The following MID1 variants were observed in gnomAD, a reference collection of about 807,000 sequenced individuals.
MID1 encodes the protein E3 ubiquitin-protein ligase Midline-1.
A neutral mutation model predicts 40.4 loss-of-function variants in MID1; 7 were observed. The ratio of observed to expected loss-of-function variants is 0.17; its 90% CI spans 0.10 to 0.33. The LOEUF is 0.33. Ranked by LOEUF, MID1 falls within the 10% of genes least tolerant of loss-of-function variation. The pLI is 1.00. For synonymous variants in MID1, 229 were observed against 221.2 expected, an observed-to-expected ratio of 1.04 and a Z score of -0.31; for missense variants, 367 against 558.5, an observed-to-expected ratio of 0.66 and a Z score of 3.46.
chrX:10,766,985 C>T lies in MID1; in HGVS notation c.-187+66569G>A, dbSNP rs969339733. 2.7e-4 allele frequency among the ~76,000 whole-genome samples: 30 copies of T among 109,508 alleles called. 1 individual carries two copies. Among genetic ancestry groups the T allele is most frequent in the African/African-American group, 9.0e-4 (27 of 30,153 alleles). On this transcript the variant is annotated intron_variant, in intron 1 of 10. Transcript: ENST00000380785. ...ACATGTTGACACAGTGACGCTAAAA[C>T]GAAGATGTCTTCTGGGGCTCAGGGC...
At chrX:10,469,550 C>T (rs114091079) in intron 7 of MID1, 147 bp downstream of exon 7, 1 of 1,202,343 alleles carries the variant, frequency 8.3e-7, no homozygotes, top group South Asian at 1.8e-5. Context: ...CAAGTGAGTG[C>T]TATCACTTTT....
chrX:10,820,315 C>T (rs909360906), intron 1 of MID1, among the ~76,000 whole-genome samples: 2 of 111,964 alleles, frequency 1.8e-5, no homozygotes, highest in African/African-American at 3.2e-5. Context: ...CAAACAACAG[C>T]AGTCTTATAT....
At chrX:10,663,835 T>C (rs947611550) in intron 1 of MID1, among the ~76,000 whole-genome samples, 1 of 112,435 alleles carries the variant, frequency 8.9e-6, no homozygotes, top group African/African-American at 3.2e-5. Flanking sequence ...GTATATATTA[T>C]AAATATCAAA....
In MID1 at chrX:10,516,322, G is replaced by A. The variant is rs1002646346; in HGVS notation, c.756+6770C>T. Among the ~76,000 whole-genome samples, 358 of 107,785 alleles carry A rather than the reference G, an allele frequency of 3.3e-3. 1 individual carries two copies. The highest frequency in any genetic ancestry group is 0.014 in the Middle Eastern group (3 of 211). The allele number at this position is 107,785 out of a possible 115,157, so 93.6% of individuals were successfully genotyped here. On this transcript the variant is annotated intron_variant, in intron 3 of 9. Coordinates refer to ENST00000317552, the MANE Select transcript of MID1 (RefSeq NM_000381.4). ...CCATTCTCCTGCCTCAGCCTCCCGA[G>A]TAGCTGGGACTACAGGCGCCCGCCA...
chrX:10,616,153 C>T (rs1182290498), intron 1 of MID1, among the ~76,000 whole-genome samples: 1 of 111,801 alleles, frequency 8.9e-6, no homozygotes, highest in Admixed American at 9.5e-5. Context: ...GAAATGCACA[C>T]CTCTAATCAG....
chrX:10,454,744 G>T, intron 9 of MID1, 126 bp downstream of exon 9: 1 of 588,371 alleles, frequency 1.7e-6, no homozygotes, highest in South Asian at 2.4e-5. Flanking sequence ...ATCCTAGCAA[G>T]AGCTGACTAA....
intron 1 of MID1, among the ~76,000 whole-genome samples, chrX:10,753,413 G>A (rs182433828): frequency 2.7e-4 from 30 of 110,707 alleles, no homozygotes; most frequent in African/African-American, 9.2e-4. Context: ...AGGTCTCAGT[G>A]CTCATATATA....
chrX:10,716,158 C>T (rs187430954), intron 1 of MID1, among the ~76,000 whole-genome samples: 26 of 112,084 alleles, frequency 2.3e-4, no homozygotes, highest in African/African-American at 5.5e-4. Context: ...CAAAGGAATG[C>T]GGCTCCTCAC....
chrX:10,495,901 G>A (rs1275503469), intron 3 of MID1, among the ~76,000 whole-genome samples: 1 of 112,344 alleles, frequency 8.9e-6, no homozygotes, highest in African/African-American at 3.2e-5. Context: ...TCCAATGACA[G>A]CAGTCTTTTC....
intron 1 of MID1, among the ~76,000 whole-genome samples, chrX:10,784,205 G>A (rs1302779930): frequency 9.1e-6 from 1 of 110,075 alleles, no homozygotes; most frequent in Non-Finnish European, 1.9e-5. Flanking sequence ...ATTTTTATAG[G>A]GATTACATAC....
At position 10,465,214 on chromosome X, in the gene MID1, T is replaced by TATATATATATATAC. The variant is rs1477864693; in HGVS notation, c.1285+4482_1285+4483insGTATATATATATAT. Among the ~76,000 whole-genome samples the TATATATATATATAC allele has an allele frequency of 3.8e-3, 153 of 39,876 alleles. 3 individuals carry two copies. The highest frequency in any genetic ancestry group is 0.015 in the Middle Eastern group (1 of 67). The allele number at this position is 39,876 out of a possible 115,157, so 34.6% of individuals were successfully genotyped here. ...ATATATATATATATATATATATATA[T>TATATATATATATAC]ACACACACACACACACACACACACA... is the stretch of plus-strand genomic sequence containing the variant. On this transcript the variant is annotated intron_variant, in intron 7 of 9. Coordinates refer to ENST00000317552, the MANE Select transcript of MID1 (RefSeq NM_000381.4).
intron 1 of MID1, among the ~76,000 whole-genome samples, chrX:10,655,391 T>C (rs756376039): frequency 9.0e-6 from 1 of 111,031 alleles, no homozygotes; most frequent in Admixed American, 9.6e-5. Context: ...AGTACTTTCC[T>C]CTCAGGTTAT....
chrX:10,669,081 C>T (rs1033154914), intron 1 of MID1, among the ~76,000 whole-genome samples: 7 of 105,609 alleles, frequency 6.6e-5, no homozygotes, highest in African/African-American at 7.0e-5. Context: ...TAGCCGGGCG[C>T]GGTGGCGGGC....
chrX:10,704,761 C>T (rs1295186102), intron 1 of MID1, among the ~76,000 whole-genome samples: 1 of 100,379 alleles, frequency 1.0e-5, no homozygotes, highest in Non-Finnish European at 2.0e-5. Flanking sequence ...CACACACACA[C>T]ACACAGAGAG....
chrX:10,551,136 A>G (rs1391969138), intron 2 of MID1, among the ~76,000 whole-genome samples: 1 of 112,209 alleles, frequency 8.9e-6, no homozygotes, highest in Non-Finnish European at 1.9e-5. Context: ...AATACAATGT[A>G]AAAGCTTAGT....
At chrX:10,577,453 T>C (rs185997455) in intron 1 of MID1, among the ~76,000 whole-genome samples, 55 of 111,807 alleles carry the variant, frequency 4.9e-4, no homozygotes, top group African/African-American at 1.6e-3. Flanking sequence ...GAAGAAGTTT[T>C]CTTCAAAGTT....
At chrX:10,581,615 G>GT (rs1935022039) in intron 1 of MID1, among the ~76,000 whole-genome samples, 1 of 111,940 alleles carries the variant, frequency 8.9e-6, no homozygotes, top group Non-Finnish European at 1.9e-5. Flanking sequence ...CATTATCTGT[G>GT]TTTTTTACTG....
intron 1 of MID1, among the ~76,000 whole-genome samples, chrX:10,817,549 TTTC>T (rs2044145689): frequency 9.7e-6 from 1 of 103,256 alleles, no homozygotes; most frequent in African/African-American, 3.6e-5. Flanking sequence ...TCTTTCTTTC[TTTC>T]TTTCTTTCTT....
chrX:10,631,775 G>A (rs1476649969), intron 1 of MID1, among the ~76,000 whole-genome samples: 1 of 111,614 alleles, frequency 9.0e-6, no homozygotes, highest in Non-Finnish European at 1.9e-5. Flanking sequence ...TTGAAAGTTC[G>A]CCTTAAAAAT....
Sources: gnomAD v4.1 joint callset for allele counts (sites outside exome capture counted in the v4.1 genomes callset) on GRCh38, gnomAD v4.1.1 for gene constraint, MANE v1.5 for transcripts, NCBI Gene and HGNC (gene_info 2026-07-23, HGNC 2026-07-21) for gene names.